Variants in PHACTR4 observed in about 807,000 individuals in gnomAD.
The protein encoded by PHACTR4 is phosphatase and actin regulator 4.
PHACTR4 carries 51 observed loss-of-function variants against 72.7 expected under a neutral mutation model. The ratio of observed to expected loss-of-function variants is 0.70; its 90% CI spans 0.56 to 0.89. The LOEUF (loss-of-function observed/expected upper bound fraction) is 0.89, where lower values mean the gene tolerates loss of function less well. Among genes scored for constraint, PHACTR4 ranks in the 40% least tolerant of loss-of-function variants. The probability of loss-of-function intolerance (pLI) is 0.00; values close to 1 mark genes in which losing one functional copy is unlikely to be tolerated. For synonymous variants in PHACTR4, 255 were observed against 302.5 expected, an observed-to-expected ratio of 0.84 and a Z score of 1.63; for missense variants, 731 against 861.8, an observed-to-expected ratio of 0.85 and a Z score of 1.90.
Position 28,458,108 on chromosome 1 carries a change from TTGTGTGTGTG to T in PHACTR4, c.17-937_17-928del, listed in dbSNP as rs539564108. ...ATCCTTAATATTATGGTGTGTGTGT[TTGTGTGTGTG>T]TGTGTGTGTGTGTGTGTGTGTGTGT... On this transcript the variant is annotated intron_variant, in intron 2 of 13. Coordinates refer to ENST00000373839, the MANE Select transcript of PHACTR4 (RefSeq NM_001048183.3). Among the ~76,000 whole-genome samples, 193 of 120,348 alleles carry T rather than the reference TTGTGTGTGTG, an allele frequency of 1.6e-3. 4 individuals are homozygous for T. The South Asian group carries it at 0.027, about 17-fold the overall frequency. The allele number at this position is 120,348 out of a possible 152,430, so 79.0% of individuals were successfully genotyped here. A position where few individuals can be genotyped will look rare whatever the true frequency, so the allele number is the denominator to read the frequency against.
chr1:28,482,771 C>A (rs1169925737), intron 9 of PHACTR4, among the ~76,000 whole-genome samples: 1 of 151,546 alleles, frequency 6.6e-6, no homozygotes, highest in Non-Finnish European at 1.5e-5. Flanking sequence ...GAGATCCCAT[C>A]TGTACAAAAA....
In PHACTR4 at chr1:28,459,264, A is replaced by C. The variant is rs1048185524; in HGVS notation, c.190+6A>C. On this transcript the variant is annotated splice_donor_region_variant and intron_variant, in intron 3 of 13. Coordinates refer to ENST00000373839, the MANE Select transcript of PHACTR4 (RefSeq NM_001048183.3). ...ATTTAAAGAGACTTCAGAAGGTGAG[A>C]TATTAAGGGTTAAATGTGTGTTCTG... The C allele has an allele frequency of 1.9e-6, 3 of 1,608,672 alleles. No individual in the cohort carries two copies. The African/African-American group carries it at 4.0e-5, about 22-fold the overall frequency.
intron 2 of PHACTR4, among the ~76,000 whole-genome samples, chr1:28,427,293 C>A (rs548424186): frequency 6.6e-6 from 1 of 152,110 alleles, no homozygotes; most frequent in South Asian, 2.1e-4. Flanking sequence ...CGGGAGGCAG[C>A]GGGATGTGGA....
At chr1:28,405,168 T>G (rs947149024) in intron 1 of PHACTR4, among the ~76,000 whole-genome samples, 1 of 152,174 alleles carries the variant, frequency 6.6e-6, no homozygotes, top group African/African-American at 2.4e-5. Flanking sequence ...TTTGCCCATT[T>G]TTAAATTGGG....
intron 2 of PHACTR4, among the ~76,000 whole-genome samples, chr1:28,429,694 T>A (rs944801467): frequency 4.6e-5 from 7 of 152,198 alleles, no homozygotes; most frequent in Non-Finnish European, 1.0e-4. Context: ...ATACTGTACA[T>A]CAAATGTGAC....
chr1:28,377,056 A>C lies in PHACTR4; in HGVS notation c.-39+7231A>C, dbSNP rs533766970. Among the ~76,000 whole-genome samples the C allele has an allele frequency of 2.6e-5, 4 of 151,966 alleles. No homozygotes were observed. The South Asian group carries it at 8.3e-4, about 32-fold the overall frequency. On this transcript the variant is annotated intron_variant, in intron 1 of 13. Coordinates refer to ENST00000373839, the MANE Select transcript of PHACTR4 (RefSeq NM_001048183.3). ...GCGATTCTCCAGCCTCAGCCTCCCA[A>C]GTAGCTGGGATTATAGGCGCTCACC...
At chr1:28,478,590 C>A (rs1265469488) in intron 8 of PHACTR4, among the ~76,000 whole-genome samples, 1 of 152,022 alleles carries the variant, frequency 6.6e-6, no homozygotes, top group Non-Finnish European at 1.5e-5. Flanking sequence ...TATCACCATG[C>A]CCAGCTCATT....
intron 2 of PHACTR4, among the ~76,000 whole-genome samples, chr1:28,448,650 TA>T (rs1472199551): frequency 7.2e-6 from 1 of 138,282 alleles, no homozygotes; most frequent in African/African-American, 2.8e-5. Context: ...TAGTCCCAGC[TA>T]CTTGGGAGGC....
At chr1:28,432,235 C>T (rs1057157271) in intron 2 of PHACTR4, among the ~76,000 whole-genome samples, 15 of 151,316 alleles carry the variant, frequency 9.9e-5, no homozygotes, top group Admixed American at 9.9e-4. Flanking sequence ...CTTTGGTATG[C>T]CCAGCAATTT....
chr1:28,445,544 C>G (rs1462636034), intron 2 of PHACTR4, among the ~76,000 whole-genome samples: 1 of 152,048 alleles, frequency 6.6e-6, no homozygotes, highest in Non-Finnish European at 1.5e-5. Context: ...CTTTTCCCCC[C>G]ACTTTTCTTT....
intron 10 of PHACTR4, among the ~76,000 whole-genome samples, chr1:28,490,087 C>T (rs938939563): frequency 4.6e-5 from 7 of 152,228 alleles, no homozygotes; most frequent in Non-Finnish European, 7.4e-5. Context: ...AACAACTATA[C>T]GTAATAGGTC....
At chr1:28,430,054 G>A (rs954319310) in intron 2 of PHACTR4, among the ~76,000 whole-genome samples, 7 of 150,346 alleles carry the variant, frequency 4.7e-5, no homozygotes, top group East Asian at 2.0e-4. Context: ...ACAGAGTCTC[G>A]CACTGTCACC....
intron 2 of PHACTR4, among the ~76,000 whole-genome samples, chr1:28,442,627 C>G (rs936873167): frequency 5.1e-4 from 78 of 151,966 alleles, no homozygotes; most frequent in African/African-American, 1.7e-3. Context: ...CTGTCTCATC[C>G]TCCCGAGTAG....
At chr1:28,408,605 A>G (rs936338372) in intron 2 of PHACTR4, among the ~76,000 whole-genome samples, 2 of 151,890 alleles carry the variant, frequency 1.3e-5, no homozygotes, top group African/African-American at 4.8e-5. Flanking sequence ...TCATAATAGC[A>G]GGCATGTGTA....
intron 7 of PHACTR4, among the ~76,000 whole-genome samples, chr1:28,475,097 A>T (rs1472150290): frequency 6.6e-6 from 1 of 151,824 alleles, no homozygotes; most frequent in South Asian, 2.1e-4. Flanking sequence ...CTACAGGCGC[A>T]TGCCATCACA....
At chr1:28,464,360 A>C (rs550628826) in intron 4 of PHACTR4, among the ~76,000 whole-genome samples, 1 of 152,134 alleles carries the variant, frequency 6.6e-6, no homozygotes, top group Non-Finnish European at 1.5e-5. Context: ...ACCTTTATAC[A>C]TGCTGTCCTT....
intron 2 of PHACTR4, among the ~76,000 whole-genome samples, chr1:28,409,127 T>C (rs1359928037): frequency 6.6e-6 from 1 of 150,770 alleles, no homozygotes; most frequent in Non-Finnish European, 1.5e-5. Flanking sequence ...TTTCTTTCTT[T>C]TTTTTTTTTT....
At chr1:28,381,520 G>A (rs548375932) in intron 1 of PHACTR4, among the ~76,000 whole-genome samples, 2 of 150,428 alleles carry the variant, frequency 1.3e-5, no homozygotes, top group African/African-American at 2.4e-5. Context: ...GTATGGTCTC[G>A]ATCTCCTGAC....
At chr1:28,438,944 T>G (rs1326163207) in intron 2 of PHACTR4, among the ~76,000 whole-genome samples, 1 of 152,180 alleles carries the variant, frequency 6.6e-6, no homozygotes, top group South Asian at 2.1e-4. Context: ...GTCAACACTT[T>G]GATATAAACT....
Sources: gnomAD v4.1 joint callset for allele counts (sites outside exome capture counted in the v4.1 genomes callset) on GRCh38, gnomAD v4.1.1 for gene constraint, MANE v1.5 for transcripts, NCBI Gene and HGNC (gene_info 2026-07-23, HGNC 2026-07-21) for gene names.